The following HSD17B12 variants were observed in gnomAD, a reference collection of about 807,000 sequenced individuals.
HSD17B12 encodes very-long-chain 3-oxoacyl-CoA reductase.
HSD17B12 carries 32 observed loss-of-function variants against 39.3 expected under a neutral mutation model. The ratio of observed to expected loss-of-function variants is 0.81; its 90% CI spans 0.61 to 1.09. The LOEUF is 1.09. HSD17B12 is among the 50% of genes least tolerant of loss of function. The pLI is 0.00. For synonymous variants in HSD17B12, 150 were observed against 146.7 expected (o/e 1.02, Z -0.16); for missense variants, 342 against 382.9 (o/e 0.89, Z 0.89).
intron 8 of HSD17B12, among the ~76,000 whole-genome samples, chr11:43,839,340 A>AAC (rs1373308574): frequency 1.3e-5 from 2 of 152,128 alleles, no homozygotes; most frequent in Non-Finnish European, 2.9e-5. Context: ...TCTTGAAGGG[A>AAC]TTCGTGAACT....
chr11:43,662,958 A>G, the HSD17B12 span, among the ~76,000 whole-genome samples: 1 of 152,240 alleles, frequency 6.6e-6, no homozygotes, highest in Non-Finnish European at 1.5e-5. Flanking sequence ...TAATTCAGAG[A>G]TAGGATTCAT....
At chr11:43,566,859 T>A in the HSD17B12 span, among the ~76,000 whole-genome samples, 2 of 152,136 alleles carry the variant, frequency 1.3e-5, no homozygotes, top group South Asian at 4.1e-4. Flanking sequence ...AATAATAAGA[T>A]CTGTGCCCCG....
chr11:43,718,325 C>A (rs1265071316), intron 1 of HSD17B12, among the ~76,000 whole-genome samples: 1 of 152,198 alleles, frequency 6.6e-6, no homozygotes, highest in African/African-American at 2.4e-5. Flanking sequence ...TATACTTACT[C>A]CTCTCTTAGA....
At chr11:43,740,784 C>G (rs1950356868) in intron 1 of HSD17B12, among the ~76,000 whole-genome samples, 1 of 152,218 alleles carries the variant, frequency 6.6e-6, no homozygotes, top group Non-Finnish European at 1.5e-5. Context: ...ATGGCCACTG[C>G]TAGCTGGTAG....
the HSD17B12 span, among the ~76,000 whole-genome samples, chr11:43,564,136 C>T: frequency 4.6e-5 from 7 of 152,100 alleles, no homozygotes; most frequent in Admixed American, 1.3e-4. Flanking sequence ...TGTGCACCAC[C>T]GTGCCTGGCC....
chr11:43,700,242 CAGTA>C (rs1280005020), intron 1 of HSD17B12, among the ~76,000 whole-genome samples: 2 of 151,928 alleles, frequency 1.3e-5, no homozygotes, highest in Non-Finnish European at 2.9e-5. Context: ...TGTGGGTACA[CAGTA>C]GGTATATATA....
chr11:43,722,504 G>A (rs1235139796), intron 1 of HSD17B12, among the ~76,000 whole-genome samples: 5 of 152,132 alleles, frequency 3.3e-5, no homozygotes, highest in East Asian at 1.9e-4. Flanking sequence ...TTTAGGCCAG[G>A]GATTCGAGAC....
At chr11:43,796,370 G>T (rs965696764) in intron 3 of HSD17B12, among the ~76,000 whole-genome samples, 11 of 152,070 alleles carry the variant, frequency 7.2e-5, no homozygotes, top group African/African-American at 2.4e-4. Context: ...AAAATGGAAA[G>T]GCTCACAATA....
the HSD17B12 span, among the ~76,000 whole-genome samples, chr11:43,589,917 T>C: frequency 1.3e-5 from 2 of 152,192 alleles, no homozygotes; most frequent in African/African-American, 4.8e-5. Flanking sequence ...AAAGTGGGGA[T>C]ATTAAAAGTA....
At chr11:43,557,300 A>ACTTGGCCG in the HSD17B12 span, among the ~76,000 whole-genome samples, 1 of 152,104 alleles carries the variant, frequency 6.6e-6, no homozygotes, top group Non-Finnish European at 1.5e-5. Flanking sequence ...CCACTTGGCC[A>ACTTGGCCG]TATCTTGGAT....
chr11:43,687,300 C>A (rs1251981215), intron 1 of HSD17B12, among the ~76,000 whole-genome samples: 2 of 152,188 alleles, frequency 1.3e-5, no homozygotes, highest in Non-Finnish European at 2.9e-5. Context: ...GAGAGTATGA[C>A]ATAACACTAT....
At chr11:43,565,290 C>A in the HSD17B12 span, among the ~76,000 whole-genome samples, 1 of 152,154 alleles carries the variant, frequency 6.6e-6, no homozygotes, top group Admixed American at 6.5e-5. Flanking sequence ...AGTCCACCTT[C>A]TCACTGGACA....
At chr11:43,811,481 G>C (rs1451406278) in intron 4 of HSD17B12, among the ~76,000 whole-genome samples, 1 of 152,078 alleles carries the variant, frequency 6.6e-6, no homozygotes, top group Non-Finnish European at 1.5e-5. Flanking sequence ...CTTTAACATT[G>C]TTTTATTGTG....
the HSD17B12 span, among the ~76,000 whole-genome samples, chr11:43,582,016 G>A: frequency 2.6e-5 from 4 of 152,166 alleles, no homozygotes; most frequent in East Asian, 1.9e-4. Flanking sequence ...GAGGTGAGGC[G>A]AGCCGCGGTG....
At chr11:43,807,662 G>C (rs754394367) in intron 4 of HSD17B12, among the ~76,000 whole-genome samples, 1 of 152,172 alleles carries the variant, frequency 6.6e-6, no homozygotes, top group Non-Finnish European at 1.5e-5. Context: ...GACAAGAATT[G>C]ATAGGAGGAG....
the HSD17B12 span, among the ~76,000 whole-genome samples, chr11:43,623,807 A>G: frequency 6.6e-6 from 1 of 152,200 alleles, no homozygotes; most frequent in African/African-American, 2.4e-5. Context: ...ATATGTATGC[A>G]TAGTTCCGGA....
the HSD17B12 span, among the ~76,000 whole-genome samples, chr11:43,623,136 G>T: frequency 6.6e-6 from 1 of 152,118 alleles, no homozygotes; most frequent in Admixed American, 6.5e-5. Flanking sequence ...AATTCAAATG[G>T]TGTATGGTTT....
At chr11:43,790,251 T>C (rs145175368) in intron 3 of HSD17B12, among the ~76,000 whole-genome samples, 17 of 152,286 alleles carry the variant, frequency 1.1e-4, no homozygotes, top group African/African-American at 3.9e-4. Context: ...ATCATGACCA[T>C]TGATTCCATG....
At chr11:43,686,036 G>A (rs1314126876) in intron 1 of HSD17B12, among the ~76,000 whole-genome samples, 2 of 152,168 alleles carry the variant, frequency 1.3e-5, no homozygotes, top group African/African-American at 4.8e-5. Context: ...CAAAGCAAAG[G>A]GTTTGACAGT....
Sources: allele counts gnomAD v4.1 joint callset (sites outside exome capture counted in the v4.1 genomes callset), GRCh38; gene constraint gnomAD v4.1.1; transcripts MANE v1.5; gene names NCBI Gene and HGNC (gene_info 2026-07-23, HGNC 2026-07-21).